The following MYO1E variants were observed in gnomAD, a reference collection of about 807,000 sequenced individuals.
The protein encoded by MYO1E is myosin IE.
MYO1E carries 68 observed loss-of-function variants against 151.1 expected under a neutral mutation model. The ratio of observed to expected loss-of-function variants is 0.45; its 90% CI spans 0.37 to 0.55. MYO1E has a LOEUF of 0.55. Among genes scored for constraint, MYO1E ranks in the 20% least tolerant of loss-of-function variants. The pLI is 0.00. For missense variants in MYO1E, 1,363 were observed against 1,389.3 expected, an observed-to-expected ratio of 0.98 and a Z score of 0.30; for synonymous variants, 601 against 501.7, an observed-to-expected ratio of 1.20 and a Z score of -2.64.
chr15:59,335,140 C>T lies in MYO1E; in HGVS notation c.3+37358G>A, dbSNP rs149047611. 7.2e-5 allele frequency among the ~76,000 whole-genome samples: 11 copies of T among 152,314 alleles called. No homozygotes were observed. The East Asian group carries it at 1.9e-3, about 27-fold the overall frequency. On this transcript the variant is annotated intron_variant, in intron 1 of 27. Transcript: ENST00000288235. ...GGCATTCTTGTGGCATCTAAGCCTA[C>T]TCAGAATAATCTTTATTCATTATTT...
intron 26 of MYO1E, among the ~76,000 whole-genome samples, chr15:59,150,624 A>G (rs753254988): frequency 1.2e-4 from 18 of 152,146 alleles, no homozygotes; most frequent in Non-Finnish European, 2.6e-4. Context: ...ATGCTCACCC[A>G]CCTGAAAGGT....
intron 1 of MYO1E, among the ~76,000 whole-genome samples, chr15:59,301,940 C>G (rs1182055558): frequency 6.6e-6 from 1 of 152,194 alleles, no homozygotes; most frequent in Non-Finnish European, 1.5e-5. Context: ...ATACCCTCAT[C>G]CTAATTGCTA....
At position 59,199,324 on chromosome 15, in the gene MYO1E, C is replaced by T. The variant is rs1287217792; in HGVS notation, c.1698+3002G>A. Among the ~76,000 whole-genome samples, 5 of 152,108 alleles carry T rather than the reference C, an allele frequency of 3.3e-5. No individual in the cohort carries two copies. In the East Asian group the frequency reaches 9.6e-4, roughly 29 times the overall value. On this transcript the variant is annotated intron_variant, in intron 16 of 27. Coordinates refer to ENST00000288235, the MANE Select transcript of MYO1E (RefSeq NM_004998.4). ...GTTGGCCAGACTGACCTCAAATGAT[C>T]CAGCCACCTCGGTCTCCCAAAGTGC...
intron 2 of MYO1E, among the ~76,000 whole-genome samples, chr15:59,266,415 A>G (rs1332025455): frequency 6.6e-6 from 1 of 152,204 alleles, no homozygotes; most frequent in African/African-American, 2.4e-5. Flanking sequence ...AAGAAACCCA[A>G]GATATCTTTA....
At chr15:59,168,954 T>C (rs11071410) in intron 22 of MYO1E, among the ~76,000 whole-genome samples, 134,551 of 152,246 alleles carry the variant, frequency 0.88, 60,656 homozygotes, top group East Asian at 0.99. Flanking sequence ...CAGTACATAT[T>C]ATTAAAAGAT....
At chr15:59,293,063 A>G (rs560856323) in intron 1 of MYO1E, among the ~76,000 whole-genome samples, 1 of 152,320 alleles carries the variant, frequency 6.6e-6, no homozygotes, top group South Asian at 2.1e-4. Flanking sequence ...TGGTCCAAAC[A>G]CCACAGGTAA....
chr15:59,299,416 A>G (rs1196533791), intron 1 of MYO1E, among the ~76,000 whole-genome samples: 5 of 152,238 alleles, frequency 3.3e-5, no homozygotes, highest in Admixed American at 6.5e-5. Flanking sequence ...ACTGCATCCT[A>G]TATTTTTCAT....
chr15:59,332,176 T>A (rs1368079550), intron 1 of MYO1E, among the ~76,000 whole-genome samples: 2 of 152,220 alleles, frequency 1.3e-5, no homozygotes, highest in African/African-American at 4.8e-5. Context: ...ATTATTTCCA[T>A]TTTGCAAATG....
At chr15:59,224,932 A>C (rs1230989411) in intron 7 of MYO1E, 109 bp from the exon 8 acceptor site, 1 of 1,465,630 alleles carries the variant, frequency 6.8e-7, no homozygotes, top group Non-Finnish European at 9.5e-7. Flanking sequence ...TCTGCTTTCT[A>C]AAATTACAGG....
intron 18 of MYO1E, among the ~76,000 whole-genome samples, chr15:59,180,050 T>C (rs781342295): frequency 1.4e-4 from 22 of 152,224 alleles, no homozygotes; most frequent in Non-Finnish European, 2.8e-4. Flanking sequence ...TGCCAGCTGG[T>C]TGCGACTCAG....
At chr15:59,231,651 C>T in intron 6 of MYO1E, 51 bp downstream of exon 6, 2 of 1,570,582 alleles carry the variant, frequency 1.3e-6, no homozygotes, top group Non-Finnish European at 1.8e-6. Context: ...CAGTCAGAAG[C>T]ATCAACATCA....
chr15:59,347,988 G>T (rs768614301), intron 1 of MYO1E, among the ~76,000 whole-genome samples: 2 of 152,086 alleles, frequency 1.3e-5, no homozygotes, highest in Admixed American at 6.5e-5. Context: ...GTAAAGCAGC[G>T]GCTCTCCTAT....
intron 1 of MYO1E, among the ~76,000 whole-genome samples, chr15:59,292,286 G>A (rs1457368224): frequency 1.3e-5 from 2 of 152,172 alleles, no homozygotes; most frequent in East Asian, 1.9e-4. Context: ...TGTTTCCCTT[G>A]TCTCCAAATG....
At chr15:59,255,346 C>T (rs973869621) in intron 4 of MYO1E, among the ~76,000 whole-genome samples, 1 of 152,022 alleles carries the variant, frequency 6.6e-6, no homozygotes, top group African/African-American at 2.4e-5. Context: ...TCAAACTCTG[C>T]GGCTTACAGG....
chr15:59,371,293 G>A (rs1314026774), intron 1 of MYO1E, among the ~76,000 whole-genome samples: 4 of 152,070 alleles, frequency 2.6e-5, no homozygotes, highest in Non-Finnish European at 5.9e-5. Flanking sequence ...TTTAATTAGT[G>A]TTGTGCTGGT....
chr15:59,231,084 T>C lies in MYO1E; in HGVS notation c.510+618A>G, dbSNP rs117122717. On this transcript the variant is annotated intron_variant, in intron 6 of 27. Coordinates refer to ENST00000288235, the MANE Select transcript of MYO1E (RefSeq NM_004998.4). ...TTCATAACAATGCACTTGGTTGACATTTTCATTACCAGTTAGGTAAGCCAG... is the reference window on the plus strand; with the variant it reads ...TTCATAACAATGCACTTGGTTGACACTTTCATTACCAGTTAGGTAAGCCAG... 3.3e-5 allele frequency among the ~76,000 whole-genome samples: 5 copies of C among 152,298 alleles called. No homozygotes were observed. The East Asian group carries it at 9.6e-4, about 29-fold the overall frequency.
rs541619325 is a variant in MYO1E, at chr15:59,295,139, T to C, written c.4-22690A>G. Among the ~76,000 whole-genome samples, 5 of 152,170 alleles carry C rather than the reference T, an allele frequency of 3.3e-5. No individual in the cohort carries two copies. In the South Asian group the frequency reaches 6.2e-4, roughly 19 times the overall value. ...AGTGGCTTTATAAATGCCTGTTCAA[T>C]GAAGTAATGAATGAGACAAAATCAC... On this transcript the variant is annotated intron_variant, in intron 1 of 27. Coordinates refer to ENST00000288235, the MANE Select transcript of MYO1E (RefSeq NM_004998.4).
At chr15:59,325,715 T>C (rs1481090373) in intron 1 of MYO1E, among the ~76,000 whole-genome samples, 1 of 152,196 alleles carries the variant, frequency 6.6e-6, no homozygotes, top group Admixed American at 6.5e-5. Context: ...AATTCCTCCA[T>C]CCACTGGCCC....
chr15:59,242,622 G>A (rs1055263239), intron 4 of MYO1E, among the ~76,000 whole-genome samples: 1 of 152,220 alleles, frequency 6.6e-6, no homozygotes, highest in South Asian at 2.1e-4. Flanking sequence ...TCATACAGGT[G>A]TCCAGGAGTC....
Sources: allele counts gnomAD v4.1 joint callset (sites outside exome capture counted in the v4.1 genomes callset), GRCh38; gene constraint gnomAD v4.1.1; transcripts MANE v1.5; gene names NCBI Gene and HGNC (gene_info 2026-07-23, HGNC 2026-07-21).